The following GTF2F2 variants were observed in gnomAD, a reference collection of about 807,000 sequenced individuals.
GTF2F2 encodes the protein ATP-dependent helicase GTF2F2.
A neutral mutation model predicts 42.2 loss-of-function variants in GTF2F2; 23 were observed. The observed-to-expected ratio is 0.55, with a 90% CI of 0.39 to 0.77. The LOEUF (loss-of-function observed/expected upper bound fraction) is 0.77, where lower values mean the gene tolerates loss of function less well. Among genes scored for constraint, GTF2F2 ranks in the 30% least tolerant of loss-of-function variants. GTF2F2 has a pLI of 0.00. For synonymous variants in GTF2F2, 105 were observed against 100.8 expected, an observed-to-expected ratio of 1.04 and a Z score of -0.25; for missense variants, 261 against 287.2, an observed-to-expected ratio of 0.91 and a Z score of 0.66.
In GTF2F2 at chr13:45,127,155, C is replaced by CTAT. The variant is rs111562048; in HGVS notation, c.66+6445_66+6447dup. 2.2e-3 allele frequency among the ~76,000 whole-genome samples: 330 copies of CTAT among 152,120 alleles called. 3 individuals carry two copies. Among genetic ancestry groups the CTAT allele is most frequent in the African/African-American group, 7.6e-3 (315 of 41,490 alleles). On this transcript the variant is annotated intron_variant, in intron 1 of 7. Transcript: ENST00000340473. ...TAGAGAGTTATATATAATTAATGTG[C>CTAT]TATTATTATTATTTTTTATTGCAAG...
chr13:45,232,790 T>A (rs551892362), intron 5 of GTF2F2, among the ~76,000 whole-genome samples: 1 of 152,360 alleles, frequency 6.6e-6, no homozygotes, highest in Admixed American at 6.5e-5. Flanking sequence ...AACTAACAGT[T>A]ACATAAATAT....
At chr13:45,161,478 C>G (rs978907803) in intron 4 of GTF2F2, among the ~76,000 whole-genome samples, 3 of 152,152 alleles carry the variant, frequency 2.0e-5, no homozygotes, top group African/African-American at 7.2e-5. Context: ...CTCCTCCCCC[C>G]AGTGCTTCTT....
chr13:45,169,943 G>T (rs1482064322), intron 4 of GTF2F2, among the ~76,000 whole-genome samples: 2 of 152,160 alleles, frequency 1.3e-5, no homozygotes, highest in African/African-American at 4.8e-5. Flanking sequence ...AGCTTCTTAA[G>T]AACTAGGTTT....
At chr13:45,176,723 C>A (rs1871894439) in intron 4 of GTF2F2, among the ~76,000 whole-genome samples, 1 of 151,896 alleles carries the variant, frequency 6.6e-6, no homozygotes, top group Non-Finnish European at 1.5e-5. Flanking sequence ...CTTCCATAAG[C>A]TTTTTTGTAT....
At chr13:45,134,649 G>A (rs928055394) in intron 1 of GTF2F2, among the ~76,000 whole-genome samples, 1 of 152,186 alleles carries the variant, frequency 6.6e-6, no homozygotes, top group Admixed American at 6.5e-5. Context: ...GGAGTAGAGT[G>A]TAGTGGAAGT....
chr13:45,273,216 G>A lies in GTF2F2; in HGVS notation c.630+5840G>A, dbSNP rs137998493. ...GCTGGGATTACAGGTGTGAGCCACC[G>A]TGCCCAGCCCACACCTGGCTAATTT... On this transcript the variant is annotated intron_variant, in intron 7 of 7. Coordinates refer to ENST00000340473, the MANE Select transcript of GTF2F2 (RefSeq NM_004128.3). Among the ~76,000 whole-genome samples the A allele has an allele frequency of 1.7e-3, 261 of 150,030 alleles. 1 individual carries two copies. Among genetic ancestry groups the A allele is most frequent in the Middle Eastern group, 7.5e-3 (2 of 268 alleles).
At chr13:45,237,217 A>G (rs930360581) in intron 5 of GTF2F2, among the ~76,000 whole-genome samples, 11 of 152,196 alleles carry the variant, frequency 7.2e-5, no homozygotes, top group Admixed American at 5.2e-4. Flanking sequence ...TATAATTAGC[A>G]CTTCCATGAA....
chr13:45,223,398 A>T (rs1874201032), intron 5 of GTF2F2, among the ~76,000 whole-genome samples: 1 of 152,118 alleles, frequency 6.6e-6, no homozygotes, highest in Non-Finnish European at 1.5e-5. Context: ...AAATTAATTT[A>T]TAAATCTGTT....
At chr13:45,171,359 G>A (rs1190990592) in intron 4 of GTF2F2, among the ~76,000 whole-genome samples, 1 of 152,042 alleles carries the variant, frequency 6.6e-6, no homozygotes, top group African/African-American at 2.4e-5. Context: ...ATGAGCTGCA[G>A]CACCCAGCCT....
intron 5 of GTF2F2, among the ~76,000 whole-genome samples, chr13:45,245,547 T>A (rs1875542943): frequency 6.6e-6 from 1 of 152,014 alleles, no homozygotes; most frequent in Non-Finnish European, 1.5e-5. Context: ...GAACATACAA[T>A]GTTTGGTTTC....
chr13:45,230,716 A>G (rs1874631763), intron 5 of GTF2F2, among the ~76,000 whole-genome samples: 1 of 152,246 alleles, frequency 6.6e-6, no homozygotes, highest in African/African-American at 2.4e-5. Context: ...TCATGTAATT[A>G]TAACTTTACT....
intron 2 of GTF2F2, among the ~76,000 whole-genome samples, chr13:45,137,821 CAA>C (rs913819938): frequency 1.4e-5 from 2 of 146,616 alleles, no homozygotes; most frequent in African/African-American, 5.4e-5. Flanking sequence ...GAAGCTGCTG[CAA>C]AAAAAACTTG....
intron 1 of GTF2F2, among the ~76,000 whole-genome samples, chr13:45,133,123 C>T (rs1173991203): frequency 1.3e-5 from 2 of 151,920 alleles, no homozygotes; most frequent in Non-Finnish European, 2.9e-5. Context: ...GGTTTTGCCA[C>T]GCTAGTATGA....
intron 5 of GTF2F2, among the ~76,000 whole-genome samples, chr13:45,227,989 C>T (rs1022930945): frequency 2.6e-5 from 4 of 152,184 alleles, no homozygotes; most frequent in East Asian, 3.8e-4. Context: ...AATCCTTTGA[C>T]GTTCCAGAAG....
At chr13:45,267,480 A>G (rs1566156688) in intron 7 of GTF2F2, 104 bp downstream of exon 7, 2 of 744,174 alleles carry the variant, frequency 2.7e-6, no homozygotes, top group Admixed American at 5.8e-5. Context: ...ACCTATGCTA[A>G]TGACTAATTT....
chr13:45,177,055 G>A (rs1871914863), intron 4 of GTF2F2, among the ~76,000 whole-genome samples: 1 of 152,140 alleles, frequency 6.6e-6, no homozygotes, highest in Admixed American at 6.5e-5. Flanking sequence ...CTTTCAAGGT[G>A]CTAGGATTAC....
intron 7 of GTF2F2, 23 bp downstream of exon 7, chr13:45,267,399 C>G: frequency 6.7e-7 from 1 of 1,495,934 alleles, no homozygotes. Flanking sequence ...TCATACTGAT[C>G]CTTTGAATAT....
chr13:45,141,499 G>A (rs1434763806), intron 2 of GTF2F2, among the ~76,000 whole-genome samples: 4 of 152,098 alleles, frequency 2.6e-5, no homozygotes, highest in Non-Finnish European at 5.9e-5. Flanking sequence ...GGGTGTCCTG[G>A]TTTTGATAAT....
intron 4 of GTF2F2, among the ~76,000 whole-genome samples, chr13:45,165,140 A>G (rs890001889): frequency 6.6e-6 from 1 of 151,914 alleles, no homozygotes; most frequent in Non-Finnish European, 1.5e-5. Flanking sequence ...TCAATTTGTG[A>G]GGTACTAGGC....
Sources: gnomAD v4.1 joint callset for allele counts (sites outside exome capture counted in the v4.1 genomes callset) on GRCh38, gnomAD v4.1.1 for gene constraint, MANE v1.5 for transcripts, NCBI Gene and HGNC (gene_info 2026-07-23, HGNC 2026-07-21) for gene names.